Variants in PSMD14 observed in about 807,000 individuals in gnomAD.
PSMD14 encodes ubiquitin C-terminal hydrolase PSMD14.
A neutral mutation model predicts 41.2 loss-of-function variants in PSMD14; 7 were observed. The ratio of observed to expected loss-of-function variants is 0.17; its 90% confidence interval spans 0.10 to 0.32. The LOEUF (loss-of-function observed/expected upper bound fraction) is 0.32, where lower values mean the gene tolerates loss of function less well. Ranked by LOEUF, PSMD14 falls within the 10% of genes least tolerant of loss-of-function variation. The pLI is 1.00. For missense variants in PSMD14, 139 were observed against 375.6 expected (o/e 0.37, Z 5.21); for synonymous variants, 114 against 122.3 (o/e 0.93, Z 0.45).
chr2:161,372,294 A>C (rs950034667), intron 7 of PSMD14, among the ~76,000 whole-genome samples: 1 of 152,118 alleles, frequency 6.6e-6, no homozygotes, highest in African/African-American at 2.4e-5. Context: ...TTTTTAGAGT[A>C]CTTAGAAATA....
chr2:161,379,657 C>T (rs1388232750), intron 7 of PSMD14, among the ~76,000 whole-genome samples: 2 of 151,872 alleles, frequency 1.3e-5, no homozygotes, highest in African/African-American at 2.4e-5. Context: ...GATCAGATGC[C>T]AAAATGAAAT....
chr2:161,343,556 A>T lies in PSMD14; in HGVS notation c.49-23922A>T, dbSNP rs62194489. 5.1e-3 allele frequency among the ~76,000 whole-genome samples: 773 copies of T among 152,340 alleles called. 1 individual carries two copies. The highest frequency in any genetic ancestry group is 8.2e-3 in the Non-Finnish European group (560 of 68,034). ...AAATATCTGTTTGAGGATCGGGTAC[A>T]GTGGCTCACGCCTGTAAACCCTGCA... On this transcript the variant is annotated intron_variant, in intron 3 of 11. Transcript: ENST00000409682.
intron 3 of PSMD14, among the ~76,000 whole-genome samples, chr2:161,334,216 A>AC (rs1214425772): frequency 6.6e-6 from 1 of 152,024 alleles, no homozygotes; most frequent in Admixed American, 6.5e-5. Flanking sequence ...CATGCCTGTA[A>AC]TCCCAACTAC....
intron 7 of PSMD14, among the ~76,000 whole-genome samples, chr2:161,379,638 T>A (rs1216929773): frequency 6.6e-6 from 1 of 151,990 alleles, no homozygotes; most frequent in East Asian, 1.9e-4. Context: ...TCAGTTTGGG[T>A]CTTCTGTGGA....
At chr2:161,335,131 A>T (rs1258586844) in intron 3 of PSMD14, among the ~76,000 whole-genome samples, 1 of 152,236 alleles carries the variant, frequency 6.6e-6, no homozygotes, top group Non-Finnish European at 1.5e-5. Flanking sequence ...ATAGGTAAAT[A>T]GTTATTTTTA....
intron 3 of PSMD14, among the ~76,000 whole-genome samples, chr2:161,343,992 T>C (rs1683005223): frequency 6.6e-6 from 1 of 152,278 alleles, no homozygotes; most frequent in Non-Finnish European, 1.5e-5. Context: ...ATATAATAGC[T>C]ATTTGAATAG....
intron 3 of PSMD14, among the ~76,000 whole-genome samples, chr2:161,352,694 TCTC>T (rs1374809133): frequency 6.6e-6 from 1 of 152,162 alleles, no homozygotes; most frequent in Non-Finnish European, 1.5e-5. Flanking sequence ...TTGGATTCCC[TCTC>T]CTCTGTGTGG....
At chr2:161,345,995 G>T (rs982238345) in intron 3 of PSMD14, among the ~76,000 whole-genome samples, 2 of 151,994 alleles carry the variant, frequency 1.3e-5, no homozygotes, top group Admixed American at 1.3e-4. Flanking sequence ...AGGCTTAGGC[G>T]ATCCTCCCAC....
chr2:161,319,707 A>T (rs1214563857), intron 3 of PSMD14, among the ~76,000 whole-genome samples: 1 of 152,110 alleles, frequency 6.6e-6, no homozygotes, highest in Admixed American at 6.5e-5. Flanking sequence ...ACATTTCCTT[A>T]CTGCTATCAG....
chr2:161,364,793 C>T (rs1024531124), intron 3 of PSMD14, among the ~76,000 whole-genome samples: 1 of 152,306 alleles, frequency 6.6e-6, no homozygotes, highest in East Asian at 1.9e-4. Context: ...AGCAGTATCA[C>T]TGGCTGCTGT....
intron 8 of PSMD14, among the ~76,000 whole-genome samples, chr2:161,390,274 C>A (rs1683694866): frequency 6.6e-6 from 1 of 151,894 alleles, no homozygotes; most frequent in Non-Finnish European, 1.5e-5. Context: ...ACCCCAAAGT[C>A]CTTTTTGTTT....
At chr2:161,407,334 T>C (rs1683960773) in intron 10 of PSMD14, among the ~76,000 whole-genome samples, 1 of 152,138 alleles carries the variant, frequency 6.6e-6, no homozygotes, top group African/African-American at 2.4e-5. Flanking sequence ...AAAATGAGCA[T>C]ATTCTCTGTC....
chr2:161,403,778 C>G (rs1385782820), intron 10 of PSMD14, among the ~76,000 whole-genome samples: 1 of 152,002 alleles, frequency 6.6e-6, no homozygotes, highest in East Asian at 1.9e-4. Flanking sequence ...ATTCCCATCC[C>G]CACTCCTTTT....
At chr2:161,358,824 C>T (rs6722186) in intron 3 of PSMD14, among the ~76,000 whole-genome samples, 7,314 of 152,208 alleles carry the variant, frequency 0.048, 255 homozygotes, top group Middle Eastern at 0.075. Context: ...ACCTGTAATC[C>T]CAGCTACTTG....
At chr2:161,332,292 G>C (rs1394490141) in intron 3 of PSMD14, among the ~76,000 whole-genome samples, 1 of 152,084 alleles carries the variant, frequency 6.6e-6, no homozygotes, top group Admixed American at 6.5e-5. Flanking sequence ...TTTAAAAGAA[G>C]GTTTACATTT....
At chr2:161,364,261 C>G (rs1683328477) in intron 3 of PSMD14, among the ~76,000 whole-genome samples, 1 of 152,146 alleles carries the variant, frequency 6.6e-6, no homozygotes, top group Admixed American at 6.5e-5. Flanking sequence ...GTGCTCCTCT[C>G]TCATGTTCAG....
chr2:161,398,317 T>C (rs1263784891), intron 10 of PSMD14, among the ~76,000 whole-genome samples: 1 of 152,116 alleles, frequency 6.6e-6, no homozygotes, highest in Non-Finnish European at 1.5e-5. Flanking sequence ...TGTTTTAAGC[T>C]AAGGTAATTG....
intron 3 of PSMD14, among the ~76,000 whole-genome samples, chr2:161,327,119 A>C (rs1682710608): frequency 6.6e-6 from 1 of 152,212 alleles, no homozygotes; most frequent in African/African-American, 2.4e-5. Flanking sequence ...CAGACACAAA[A>C]GACAAATGTT....
At chr2:161,354,451 C>T (rs1683164883) in intron 3 of PSMD14, among the ~76,000 whole-genome samples, 1 of 151,956 alleles carries the variant, frequency 6.6e-6, no homozygotes, top group African/African-American at 2.4e-5. Context: ...CGTCATGTTG[C>T]CCAGGCTGCT....
Sources: allele counts gnomAD v4.1 joint callset (sites outside exome capture counted in the v4.1 genomes callset), GRCh38; gene constraint gnomAD v4.1.1; transcripts MANE v1.5; gene names NCBI Gene and HGNC (gene_info 2026-07-23, HGNC 2026-07-21).